Variants in SBF2 observed in about 807,000 individuals in gnomAD.
The protein encoded by SBF2 is SET binding factor 2.
Under a neutral mutation model 225.2 loss-of-function variants are expected in SBF2, and 112 were observed. That is an observed-to-expected ratio of 0.50 (90% CI 0.43 to 0.58). SBF2 has a LOEUF of 0.58. Among genes scored for constraint, SBF2 ranks in the 20% least tolerant of loss-of-function variants. SBF2 has a pLI of 0.00. For synonymous variants in SBF2, 763 were observed against 773.3 expected (o/e 0.99, Z 0.22); for missense variants, 1,996 against 2,206.2 (o/e 0.90, Z 1.91).
chr11:10,290,501 G>C (rs1378475061), intron 1 of SBF2, among the ~76,000 whole-genome samples: 5 of 152,132 alleles, frequency 3.3e-5, no homozygotes, highest in Non-Finnish European at 7.4e-5. Flanking sequence ...TCCCTGTATG[G>C]AAGCATGCTG....
At chr11:10,086,903 G>A (rs1159711876) in intron 2 of SBF2, among the ~76,000 whole-genome samples, 1 of 152,178 alleles carries the variant, frequency 6.6e-6, no homozygotes, top group Non-Finnish European at 1.5e-5. Context: ...GGTATAAACA[G>A]TGAATTAAGA....
At chr11:9,854,793 G>C (rs888731859) in intron 19 of SBF2, among the ~76,000 whole-genome samples, 1 of 152,100 alleles carries the variant, frequency 6.6e-6, no homozygotes, top group Admixed American at 6.5e-5. Flanking sequence ...GTCTCACTAT[G>C]TTGCCCAGGC....
chr11:9,890,602 G>A (rs1209582095), intron 17 of SBF2, among the ~76,000 whole-genome samples: 1 of 152,180 alleles, frequency 6.6e-6, no homozygotes, highest in Non-Finnish European at 1.5e-5. Context: ...AAGGTGAATA[G>A]GGTATTTATT....
At chr11:10,105,215 T>C (rs1251323506) in intron 2 of SBF2, among the ~76,000 whole-genome samples, 2 of 152,192 alleles carry the variant, frequency 1.3e-5, no homozygotes, top group East Asian at 3.8e-4. Context: ...TTGAAAGGAC[T>C]GATACAGTTG....
rs553448848 is a variant in SBF2, at chr11:9,829,234, A to C, written c.3793+122T>G. 3.2e-4 allele frequency: 369 copies of C among 1,151,086 alleles called. 3 individuals are homozygous for C. The East Asian group carries it at 8.5e-3, about 26-fold the overall frequency. The allele number at this position is 1,151,086 out of a possible 1,614,324, so 71.3% of individuals were successfully genotyped here. ...TTAAACTTATAACCCTTCAGGGTAAAACTTTTAAGAAGTCTTGGTGAAGGA... is the reference window on the plus strand; with the variant it reads ...TTAAACTTATAACCCTTCAGGGTAACACTTTTAAGAAGTCTTGGTGAAGGA... On this transcript the variant is annotated intron_variant, in intron 28 of 39. Transcript: ENST00000256190.
chr11:10,276,519 T>C (rs1205623837), intron 1 of SBF2, among the ~76,000 whole-genome samples: 3 of 152,220 alleles, frequency 2.0e-5, no homozygotes, highest in Non-Finnish European at 2.9e-5. Context: ...ATCAATTCAG[T>C]GCCTTTGCCA....
At chr11:9,868,392 C>T (rs957317727) in intron 17 of SBF2, among the ~76,000 whole-genome samples, 4 of 148,350 alleles carry the variant, frequency 2.7e-5, no homozygotes, top group Non-Finnish European at 4.5e-5. Flanking sequence ...GTGGCGGGCG[C>T]CTGTAGTCCC....
At chr11:10,109,309 T>A (rs1412079455) in intron 2 of SBF2, among the ~76,000 whole-genome samples, 1 of 152,176 alleles carries the variant, frequency 6.6e-6, no homozygotes, top group Non-Finnish European at 1.5e-5. Flanking sequence ...AGATCAAACA[T>A]CTTCTTTAAT....
chr11:10,059,793 T>C (rs1238531025), intron 2 of SBF2, among the ~76,000 whole-genome samples: 1 of 152,086 alleles, frequency 6.6e-6, no homozygotes, highest in Non-Finnish European at 1.5e-5. Context: ...GGGTAAATAA[T>C]GAAATTGAGG....
intron 37 of SBF2, 45 bp from the exon 38 acceptor site, chr11:9,784,483 C>A (rs373326714): frequency 2.8e-5 from 40 of 1,427,618 alleles, no homozygotes; most frequent in Non-Finnish European, 4.0e-5. Flanking sequence ...TTTACACTTA[C>A]AAAATGCTGT....
At chr11:10,292,717 G>C (rs376522916) in intron 1 of SBF2, among the ~76,000 whole-genome samples, 6 of 151,824 alleles carry the variant, frequency 4.0e-5, no homozygotes, top group South Asian at 2.1e-4. Context: ...AAGTGGGGAG[G>C]GGGGGAGGCG....
rs116782935 is a variant in SBF2, at chr11:9,834,393, C to G, written c.3456-1973G>C. On this transcript the variant is annotated intron_variant, in intron 26 of 39. Transcript: ENST00000256190. Reference sequence around the variant, plus strand: ...TGCTATCCTTTTTTATGTGTACAAACCAGTGGCATTTAGTACATTCCCAAT... The same window carrying G: ...TGCTATCCTTTTTTATGTGTACAAAGCAGTGGCATTTAGTACATTCCCAAT... Among the ~76,000 whole-genome samples, 870 of 152,272 alleles carry G rather than the reference C, an allele frequency of 5.7e-3. 5 individuals are homozygous for G. Among genetic ancestry groups the G allele is most frequent in the African/African-American group, 0.019 (804 of 41,564 alleles).
At chr11:10,098,856 GA>G (rs1162185341) in intron 2 of SBF2, among the ~76,000 whole-genome samples, 3 of 147,158 alleles carry the variant, frequency 2.0e-5, no homozygotes, top group East Asian at 4.0e-4. Flanking sequence ...AGGAGAAAAA[GA>G]AAAAAAAAGA....
chr11:9,844,375 C>T (rs1856390876), intron 24 of SBF2, among the ~76,000 whole-genome samples: 1 of 152,144 alleles, frequency 6.6e-6, no homozygotes, highest in Non-Finnish European at 1.5e-5. Flanking sequence ...GCAAAGCTCT[C>T]CCTAGTATTG....
intron 16 of SBF2, chr11:9,959,987 G>GT (rs1357552463): frequency 1.0e-5 from 3 of 294,024 alleles, no homozygotes; most frequent in East Asian, 8.7e-5. Flanking sequence ...GATTTGTAGG[G>GT]TTTTTTCTTT....
chr11:10,297,737 T>G (rs976149515), upstream of SBF2, among the ~76,000 whole-genome samples: 2 of 152,268 alleles, frequency 1.3e-5, no homozygotes, highest in Non-Finnish European at 2.9e-5. Context: ...CCAGTCCATT[T>G]GCAAATGCCC....
At chr11:10,185,257 C>A (rs1463049586) in intron 2 of SBF2, among the ~76,000 whole-genome samples, 1 of 152,158 alleles carries the variant, frequency 6.6e-6, no homozygotes, top group Non-Finnish European at 1.5e-5. Context: ...TGAATCCCAG[C>A]TTTCAGTTCT....
chr11:9,893,823 CTTCT>C (rs1402705510), intron 17 of SBF2, among the ~76,000 whole-genome samples: 1 of 152,234 alleles, frequency 6.6e-6, no homozygotes. Context: ...TCCAAGTTTG[CTTCT>C]TTGTTAGGTA....
chr11:10,069,009 ATG>A (rs1282091341), intron 2 of SBF2, among the ~76,000 whole-genome samples: 1 of 152,124 alleles, frequency 6.6e-6, no homozygotes, highest in African/African-American at 2.4e-5. Flanking sequence ...TAATTGCTTT[ATG>A]TGTTTCCTTC....
Sources: gnomAD v4.1 joint callset for allele counts (sites outside exome capture counted in the v4.1 genomes callset) on GRCh38, gnomAD v4.1.1 for gene constraint, MANE v1.5 for transcripts, NCBI Gene and HGNC (gene_info 2026-07-23, HGNC 2026-07-21) for gene names.